The following HPSE2 variants were observed in gnomAD, a reference collection of about 807,000 sequenced individuals.
HPSE2 encodes heparanase 2 (inactive).
In HPSE2, 38 loss-of-function variants were observed where a neutral mutation model predicts 60.5. The ratio of observed to expected loss-of-function variants is 0.63; its 90% CI spans 0.48 to 0.82. The LOEUF is 0.82. HPSE2 is among the 40% of genes least tolerant of loss of function. The probability of loss-of-function intolerance (pLI) is 0.00; values close to 1 mark genes in which losing one functional copy is unlikely to be tolerated. For synonymous variants in HPSE2, 295 were observed against 293.2 expected (o/e 1.01, Z -0.06); for missense variants, 713 against 740.4 (o/e 0.96, Z 0.43).
At chr10:99,134,024 C>T (rs765310474) in intron 3 of HPSE2, among the ~76,000 whole-genome samples, 2 of 152,132 alleles carry the variant, frequency 1.3e-5, no homozygotes, top group African/African-American at 2.4e-5. Context: ...GAGAAAAGAA[C>T]ATAAATGACC....
rs945295997 is a variant in HPSE2, at chr10:99,055,837, G to C, written c.610+88401C>G. On this transcript the variant is annotated intron_variant, in intron 3 of 11. Coordinates refer to ENST00000370552, the MANE Select transcript of HPSE2 (RefSeq NM_021828.5). ...CAGCCAGAACAGTGTTTGAAGAAGG[G>C]AACTTACAGCTTTAAGCGCCTATAT... is the stretch of plus-strand genomic sequence containing the variant. Among the ~76,000 whole-genome samples, 3 of 151,974 alleles carry C rather than the reference G, an allele frequency of 2.0e-5. No homozygotes were observed. In the East Asian group the frequency reaches 5.8e-4, roughly 29 times the overall value.
chr10:98,567,605 A>C (rs1212295700), intron 9 of HPSE2, among the ~76,000 whole-genome samples: 1 of 152,148 alleles, frequency 6.6e-6, no homozygotes, highest in African/African-American at 2.4e-5. Context: ...AAGAGTCTGA[A>C]ATATTCCTTG....
rs1439038886 is a variant in HPSE2 at position 98,959,941 on chromosome 10, GT to G, written c.610+184296del. Among the ~76,000 whole-genome samples, 7 of 152,046 alleles carry G rather than the reference GT, an allele frequency of 4.6e-5. No individual in the cohort carries two copies. In the East Asian group the frequency reaches 5.8e-4, roughly 13 times the overall value. On this transcript the variant is annotated intron_variant, in intron 3 of 11. Coordinates refer to ENST00000370552, the MANE Select transcript of HPSE2 (RefSeq NM_021828.5). The stretch of plus-strand genomic sequence containing the variant: ...ATAGAAGCCAATATGCTTCTGCAAA[GT>G]TTTTTCCCCCCACAGGAATATCCTT...
intron 3 of HPSE2, among the ~76,000 whole-genome samples, chr10:98,752,388 G>A (rs1230525003): frequency 6.6e-6 from 1 of 152,138 alleles, no homozygotes; most frequent in Non-Finnish European, 1.5e-5. Flanking sequence ...GATTCTTTGG[G>A]TAGCCTATGG....
chr10:98,910,159 C>A (rs2135017850), intron 3 of HPSE2, among the ~76,000 whole-genome samples: 1 of 152,268 alleles, frequency 6.6e-6, no homozygotes, highest in East Asian at 1.9e-4. Context: ...AGACCATCTG[C>A]TTACCTTCCC....
intron 3 of HPSE2, among the ~76,000 whole-genome samples, chr10:98,876,115 G>T (rs747201766): frequency 7.9e-5 from 12 of 151,766 alleles, no homozygotes; most frequent in Non-Finnish European, 1.8e-4. Context: ...AATATAGTAT[G>T]AAGCACTAGA....
intron 11 of HPSE2, among the ~76,000 whole-genome samples, chr10:98,474,786 A>G (rs1940930614): frequency 6.6e-6 from 1 of 152,174 alleles, no homozygotes; most frequent in Non-Finnish European, 1.5e-5. Context: ...ATTAGCCCCA[A>G]AGCAGAAATA....
At chr10:98,947,444 G>A (rs1421622660) in intron 3 of HPSE2, among the ~76,000 whole-genome samples, 4 of 152,154 alleles carry the variant, frequency 2.6e-5, no homozygotes, top group African/African-American at 7.2e-5. Context: ...TTCAGAAGGA[G>A]ATGTGGCTTT....
chr10:99,076,591 T>C (rs188887644), intron 3 of HPSE2, among the ~76,000 whole-genome samples: 7 of 152,232 alleles, frequency 4.6e-5, no homozygotes, highest in Non-Finnish European at 8.8e-5. Flanking sequence ...TTTTGTCACA[T>C]TGGTCAGGCT....
At chr10:98,664,884 C>G (rs1162144746) in intron 6 of HPSE2, among the ~76,000 whole-genome samples, 2 of 152,132 alleles carry the variant, frequency 1.3e-5, no homozygotes, top group African/African-American at 4.8e-5. Flanking sequence ...TTCAAAAAGC[C>G]AGAGTGTCTC....
chr10:99,196,842 C>G (rs1848416648), intron 2 of HPSE2, among the ~76,000 whole-genome samples: 1 of 152,086 alleles, frequency 6.6e-6, no homozygotes, highest in South Asian at 2.1e-4. Context: ...ATTGAGCTAC[C>G]ATATTATCCA....
chr10:98,594,221 T>C lies in HPSE2; in HGVS notation c.1320+20683A>G, dbSNP rs575080945. On this transcript the variant is annotated intron_variant, in intron 9 of 11. Coordinates refer to ENST00000370552, the MANE Select transcript of HPSE2 (RefSeq NM_021828.5). ...TTTTTATTAACTAGAGCTGCCACAT[T>C]GTACATAGATAACTTAAAACTATTC... 5.9e-5 allele frequency among the ~76,000 whole-genome samples: 9 copies of C among 152,282 alleles called. No individual in the cohort carries two copies. In the East Asian group the frequency reaches 7.7e-4, roughly 13 times the overall value.
At chr10:98,505,636 TTTTTAAAC>T (rs1591284161) in intron 9 of HPSE2, among the ~76,000 whole-genome samples, 1 of 152,350 alleles carries the variant, frequency 6.6e-6, no homozygotes, top group East Asian at 1.9e-4. Flanking sequence ...CTATATTTTC[TTTTTAAAC>T]TTTTAAAGTT....
At chr10:99,271,219 C>A in the HPSE2 span, among the ~76,000 whole-genome samples, 1 of 152,128 alleles carries the variant, frequency 6.6e-6, no homozygotes, top group African/African-American at 2.4e-5. Flanking sequence ...GATGACATGA[C>A]TGTATACATA....
At chr10:98,519,953 T>A (rs1042855119) in intron 9 of HPSE2, among the ~76,000 whole-genome samples, 1 of 152,174 alleles carries the variant, frequency 6.6e-6, no homozygotes, top group Non-Finnish European at 1.5e-5. Context: ...CAAATTGGAT[T>A]CCTCCTTGGA....
At chr10:98,775,290 T>C (rs1008132127) in intron 3 of HPSE2, among the ~76,000 whole-genome samples, 1 of 152,220 alleles carries the variant, frequency 6.6e-6, no homozygotes, top group Non-Finnish European at 1.5e-5. Context: ...TTGCATATTG[T>C]GCCTCAGCAC....
intron 3 of HPSE2, among the ~76,000 whole-genome samples, chr10:98,988,324 C>T (rs2135330545): frequency 6.6e-6 from 1 of 152,424 alleles, no homozygotes; most frequent in South Asian, 2.1e-4. Flanking sequence ...AGAATAGAGC[C>T]CTCAGAAATA....
At chr10:98,637,424 T>C (rs535049189) in intron 7 of HPSE2, among the ~76,000 whole-genome samples, 8 of 152,260 alleles carry the variant, frequency 5.3e-5, no homozygotes, top group African/African-American at 1.7e-4. Flanking sequence ...CTATAATAAC[T>C]ATAACAACAA....
chr10:99,205,008 T>A (rs1848697124), intron 2 of HPSE2, among the ~76,000 whole-genome samples: 1 of 152,206 alleles, frequency 6.6e-6, no homozygotes, highest in Non-Finnish European at 1.5e-5. Context: ...AAATGCTGCA[T>A]GTTCTCACTT....
Sources: gnomAD v4.1 joint callset for allele counts (sites outside exome capture counted in the v4.1 genomes callset) on GRCh38, gnomAD v4.1.1 for gene constraint, MANE v1.5 for transcripts, NCBI Gene and HGNC (gene_info 2026-07-23, HGNC 2026-07-21) for gene names.